Variants in BTN2A1 observed in about 807,000 individuals in gnomAD.
The protein encoded by BTN2A1 is butyrophilin subfamily 2 member A1, also known as butyrophilin, subfamily 2, member A1.
In BTN2A1, 41 loss-of-function variants were observed where a neutral mutation model predicts 34.5. The observed-to-expected ratio is 1.19, with a 90% CI of 0.93 to 1.54. The LOEUF is 1.54. Among genes scored for constraint, BTN2A1 ranks in the 40% most tolerant of loss-of-function variants. The pLI is 0.00. For missense variants in BTN2A1, 642 were observed against 662.0 expected, an observed-to-expected ratio of 0.97 and a Z score of 0.33; for synonymous variants, 267 against 258.6, an observed-to-expected ratio of 1.03 and a Z score of -0.31.
chr6:26,476,204 A>G, exon 8 of BTN2A1: 3 of 1,525,248 alleles, frequency 2.0e-6, no homozygotes, highest in Non-Finnish European at 2.6e-6. Flanking sequence ...GAAAATCTCC[A>G]CTGGAGAGAA....
rs755411333 is a variant in BTN2A1 at position 26,459,519 on chromosome 6, G to T, written c.121G>T (p.Ala41Ser). Residue 41 changes from alanine (A) to serine (S), a missense_variant, in exon 3 of 8, where the codon GCC becomes TCC. Physicochemically the swap from Ala to Ser is moderately conservative, Grantham distance 99 (BLOSUM62 1). Coordinates refer to ENST00000312541, the MANE Select transcript of BTN2A1 (RefSeq NM_007049.5). ...CGTGGGGCCCACTGATCCCATCTTG[G>T]CCACGGTTGGAGAAAACACTACGTT... is the stretch of plus-strand genomic sequence containing the variant. ...IVVGPTDPIL[A>S]TVGENTTLRC... is the part of the protein sequence containing the mutation. 3 of 1,613,914 alleles carry T rather than the reference G, an allele frequency of 1.9e-6. No individual in the cohort carries two copies. The highest frequency in any genetic ancestry group is 2.5e-6 in the Non-Finnish European group (3 of 1,179,868).
intron 3 of BTN2A1, among the ~76,000 whole-genome samples, chr6:26,462,131 A>C (rs1763182938): frequency 6.6e-6 from 1 of 152,208 alleles, no homozygotes. Flanking sequence ...GGAATTACTC[A>C]GAAGAAGTTT....
At chr6:26,472,091 C>G (rs572283386), downstream of BTN2A1, among the ~76,000 whole-genome samples, 99 of 152,270 alleles carry the variant, frequency 6.5e-4, no homozygotes, top group Non-Finnish European at 1.2e-3. Flanking sequence ...ATACATGCCC[C>G]AGCTTAGTTC....
rs753532528 is a variant in BTN2A1 at position 26,468,037 on chromosome 6, C to T, written c.1072C>T (p.Leu358=). The change falls in exon 8 of 8, where the codon CTA becomes TTA. Residue 358 remains leucine (L), a synonymous_variant. Transcript: ENST00000312541. ...TGTGAGAAGGTGCCCCTTCAGGCAC[C>T]TAGGGGAGAGCGTGCCTGACAACCC... is the stretch of plus-strand genomic sequence containing the variant. ...RSVRRCPFRH[L]GESVPDNPER... is the part of the protein sequence containing the mutation. 1 of 1,614,196 alleles carries T rather than the reference C, an allele frequency of 6.2e-7. No homozygotes were observed. Among genetic ancestry groups the T allele is most frequent in the Non-Finnish European group, 8.5e-7 (1 of 1,180,020 alleles).
downstream of BTN2A1, among the ~76,000 whole-genome samples, chr6:26,473,884 T>G (rs1187934908): frequency 6.6e-6 from 1 of 152,210 alleles, no homozygotes; most frequent in Non-Finnish European, 1.5e-5. Flanking sequence ...GTTTTCATTC[T>G]AACCGTCCCC....
intron 7 of BTN2A1, 46 bp downstream of exon 7, chr6:26,466,134 A>T (rs1581673951): frequency 6.2e-7 from 1 of 1,612,684 alleles, no homozygotes. Flanking sequence ...TCTCCACACT[A>T]GCCAGCTAAC....
chr6:26,459,767 C>T lies in BTN2A1; in HGVS notation c.369C>T (p.Tyr123=), dbSNP rs769152472. The stretch of plus-strand genomic sequence containing the variant: ...TCACAGCCCAGGAAAACGGCACCTA[C>T]CGCTGTTACTTCCAAGAAGGCAGGT... ...HNITAQENGT[Y]RCYFQEGRSY... The change falls in exon 3 of 8, where the codon TAC becomes TAT. Residue 123 remains tyrosine (Y), a synonymous_variant. Coordinates refer to ENST00000312541, the MANE Select transcript of BTN2A1 (RefSeq NM_007049.5). 5.6e-6 allele frequency: 9 copies of T among 1,614,040 alleles called. No individual in the cohort carries two copies. Among genetic ancestry groups the T allele is most frequent in the Non-Finnish European group, 6.8e-6 (8 of 1,180,008 alleles).
chr6:26,466,354 T>A lies in BTN2A1; in HGVS notation c.982+266T>A, dbSNP rs534834624. On this transcript the variant is annotated intron_variant, in intron 7 of 7. Coordinates refer to ENST00000312541, the MANE Select transcript of BTN2A1 (RefSeq NM_007049.5). ...ATGCATGATTACCAGAGGTGTCCCA[T>A]ATATAGTAGCCTTCCTAAGAGTTAC... 3.3e-5 allele frequency among the ~76,000 whole-genome samples: 5 copies of A among 152,338 alleles called. No individual in the cohort carries two copies. The East Asian group carries it at 9.6e-4, about 29-fold the overall frequency.
chr6:26,468,551 A>ATCAAT lies in BTN2A1; in HGVS notation c.*5_*9dup. The ATCAAT allele has an allele frequency of 6.2e-7, 1 of 1,614,052 alleles. No homozygotes were observed. The highest frequency in any genetic ancestry group is 8.5e-7 in the Non-Finnish European group (1 of 1,180,006). ...GTGGGGACCCACCAGAGCCTATAGA[A>ATCAAT]TCAATTCCTTGGTCTCACAGCCATG... On this transcript the variant is annotated 3_prime_UTR_variant, in exon 8 of 8. Transcript: ENST00000312541.
rs1304998127 is a variant in BTN2A1 at position 26,469,037 on chromosome 6, G to T, written c.*488G>T. 8.5e-7 allele frequency: 1 copy of T among 1,175,298 alleles called. No homozygotes were observed. The highest frequency in any genetic ancestry group is 1.1e-6 in the Non-Finnish European group (1 of 935,628). The allele number at this position is 1,175,298 out of a possible 1,614,324, so 72.8% of individuals were successfully genotyped here. A position where few individuals can be genotyped will look rare whatever the true frequency, so the allele number is the denominator to read the frequency against. On this transcript the variant is annotated 3_prime_UTR_variant, in exon 8 of 8. Coordinates refer to ENST00000312541, the MANE Select transcript of BTN2A1 (RefSeq NM_007049.5). Reference sequence around the variant, plus strand: ...AGGAAGTGGAACCAGAGAGCTGGGAGGGACCAAGGTTGTAAGGGTGGCTAA... The same window carrying T: ...AGGAAGTGGAACCAGAGAGCTGGGATGGACCAAGGTTGTAAGGGTGGCTAA...
rs769822906 is a variant in BTN2A1, at chr6:26,468,535, C to G, written c.1570C>G (p.His524Asp). ...CCTGACACTTCACAGAGTGGGGACC[C>G]ACCAGAGCCTATAGAATCAATTCCT... ...EGLTLHRVGTHQSL is the reference protein window; with the variant it reads ...EGLTLHRVGTDQSL The change falls in exon 8 of 8, where the codon CAC becomes GAC. Residue 524 changes from histidine (H) to aspartate (D), a missense_variant. By Grantham distance (81) the His-to-Asp change is moderately conservative. Transcript: ENST00000312541. 2.5e-6 allele frequency: 4 copies of G among 1,614,134 alleles called. No homozygotes were observed. In the Admixed American group the frequency reaches 6.7e-5, roughly 27 times the overall value.
exon 8 of BTN2A1, chr6:26,476,288 C>CGATGGGCTCTA: frequency 1.0e-6 from 1 of 978,672 alleles, no homozygotes; most frequent in Non-Finnish European, 1.6e-6. Flanking sequence ...GTCTGTAGAG[C>CGATGGGCTCTA]CCATCGCTCT....
Position 26,468,135 on chromosome 6 carries a change from G to A in BTN2A1, c.1170G>A (p.Val390=). The A allele has an allele frequency of 6.2e-7, 1 of 1,614,210 alleles. No homozygotes were observed. The highest frequency in any genetic ancestry group is 8.5e-7 in the Non-Finnish European group (1 of 1,180,042). ...CTTCAGGGAAACATTACTGGGAGGT[G>A]GAGGTGGAAAACGTGATTGAGTGGA... ...SFASGKHYWE[V]EVENVIEWTV... The change falls in exon 8 of 8, where the codon GTG becomes GTA. Residue 390 remains valine, a synonymous_variant. Transcript: ENST00000312541.
chr6:26,468,021 G>A lies in BTN2A1; in HGVS notation c.1056G>A (p.Arg352=), dbSNP rs1291583512. The A allele has an allele frequency of 6.2e-7, 1 of 1,614,202 alleles. No homozygotes were observed. The highest frequency in any genetic ancestry group is 1.7e-5 in the Admixed American group (1 of 60,034). Reference sequence around the variant, plus strand: ...CAGAGGACCGGAGAAGTGTGAGAAGGTGCCCCTTCAGGCACCTAGGGGAGA... The same window carrying A: ...CAGAGGACCGGAGAAGTGTGAGAAGATGCCCCTTCAGGCACCTAGGGGAGA... ...FLSEDRRSVR[R]CPFRHLGESV... The change falls in exon 8 of 8, where the codon AGG becomes AGA. Residue 352 remains arginine, a synonymous_variant. Transcript: ENST00000312541.
chr6:26,472,963 C>G (rs1236142330), downstream of BTN2A1, among the ~76,000 whole-genome samples: 1 of 152,084 alleles, frequency 6.6e-6, no homozygotes, highest in African/African-American at 2.4e-5. Flanking sequence ...GAAGACACCA[C>G]TCAAAGATGG....
intron 4 of BTN2A1, among the ~76,000 whole-genome samples, chr6:26,464,021 C>T (rs1353173257): frequency 3.3e-5 from 5 of 152,124 alleles, no homozygotes; most frequent in South Asian, 4.1e-4. Context: ...AGGCTGTTCT[C>T]GAACTCCTGA....
intron 2 of BTN2A1, 28 bp downstream of exon 2, chr6:26,458,746 C>G: frequency 6.2e-7 from 1 of 1,609,562 alleles, no homozygotes; most frequent in Non-Finnish European, 8.5e-7. Context: ...TTGCTGCTGT[C>G]ACCTATCAGA....
Position 26,458,114 on chromosome 6 carries a change from A to ATCATT in BTN2A1, c.-59_-58insTCATT. ...GAGAATCGTCGAGAACCAGCGGAGA[A>ATCATT]AAGAAAAAGCAACGTTTAATTCTAG... On this transcript the variant is annotated 5_prime_UTR_variant, in exon 1 of 8. Transcript: ENST00000312541. 1.3e-5 allele frequency: 2 copies of ATCATT among 156,074 alleles called. No individual in the cohort carries two copies. Among genetic ancestry groups the ATCATT allele is most frequent in the East Asian group, 1.9e-4 (1 of 5,228 alleles). The allele number at this position is 156,074 out of a possible 1,614,324, so 9.7% of individuals were successfully genotyped here.
In BTN2A1 at chr6:26,465,189, C is replaced by G. The variant is rs1763275260; in HGVS notation, c.717C>G (p.Ser239=). 1.2e-6 allele frequency: 2 copies of G among 1,613,710 alleles called. No homozygotes were observed. The highest frequency in any genetic ancestry group is 8.5e-7 in the Non-Finnish European group (1 of 1,179,744). Residue 239 remains serine (S), a synonymous_variant, in exon 5 of 8, where the codon TCC becomes TCG. Transcript: ENST00000312541. ...TATTTCTGGCTGCCTTTTCAGAATCCTTTATGCCCAGTGTGTCTCCCTGTG... is the reference window on the plus strand; with the variant it reads ...TATTTCTGGCTGCCTTTTCAGAATCGTTTATGCCCAGTGTGTCTCCCTGTG... The part of the protein sequence containing the change: ...KKESVIFIPE[S]FMPSVSPCAV...
Sources: gnomAD v4.1 joint callset for allele counts (sites outside exome capture counted in the v4.1 genomes callset) on GRCh38, gnomAD v4.1.1 for gene constraint, MANE v1.5 for transcripts, NCBI Gene and HGNC (gene_info 2026-07-23, HGNC 2026-07-21) for gene names.